The following ESYT2 variants were observed in gnomAD, a reference collection of about 807,000 sequenced individuals.
ESYT2 encodes extended synaptotagmin-2.
In ESYT2, 54 loss-of-function variants were observed where a neutral mutation model predicts 107.2. That is an observed-to-expected ratio of 0.50 (90% CI 0.40 to 0.63). ESYT2 has a LOEUF of 0.63. Ranked by LOEUF, ESYT2 falls within the 30% of genes least tolerant of loss-of-function variation. ESYT2 has a pLI of 0.00. For missense variants in ESYT2, 1,020 were observed against 1,094.5 expected (o/e 0.93, Z 0.96); for synonymous variants, 491 against 434.1 (o/e 1.13, Z -1.63).
At chr7:158,811,757 A>G (rs539153756) in intron 1 of ESYT2, among the ~76,000 whole-genome samples, 1 of 152,336 alleles carries the variant, frequency 6.6e-6, no homozygotes. Context: ...AAAGAAGCCA[A>G]CAGGGTTTAT....
chr7:158,749,816 C>A lies in ESYT2; in HGVS notation c.1483-93G>T. On this transcript the variant is annotated intron_variant, in intron 14 of 22. Coordinates refer to ENST00000275418, the MANE Select transcript of ESYT2 (RefSeq NM_001367773.1). ...GAAATTACTGGCTTATATTAGTAGT[C>A]ATTTTTATTTATCTCTGATATTTAA... The A allele has an allele frequency of 3.5e-6, 4 of 1,128,870 alleles. No individual in the cohort carries two copies. In the South Asian group the frequency reaches 5.7e-5, roughly 16 times the overall value. 69.9% of individuals were successfully genotyped at this position (1,128,870 alleles called of 1,614,324 possible). A position where few individuals can be genotyped will look rare whatever the true frequency, so the allele number is the denominator to read the frequency against.
intron 13 of ESYT2, among the ~76,000 whole-genome samples, chr7:158,754,667 C>A (rs1837693134): frequency 6.6e-6 from 1 of 152,166 alleles, no homozygotes. Flanking sequence ...CACATACAGA[C>A]TGATGAATCT....
rs13221334 is a variant in ESYT2 at position 158,803,880 on chromosome 7, G to C, written c.331-4808C>G. 2.3e-3 allele frequency among the ~76,000 whole-genome samples: 130 copies of C among 57,398 alleles called. 1 individual carries two copies. Among genetic ancestry groups the C allele is most frequent in the African/African-American group, 9.5e-3 (119 of 12,516 alleles). 37.7% of individuals were successfully genotyped at this position (57,398 alleles called of 152,430 possible). On this transcript the variant is annotated intron_variant, in intron 1 of 22. Transcript: ENST00000275418. Reference sequence around the variant, plus strand: ...GAGGCGCGCGACAAACCCAAACCACGGAGAAGGGTGAGGCGCGCGACAAAC... The same window carrying C: ...GAGGCGCGCGACAAACCCAAACCACCGAGAAGGGTGAGGCGCGCGACAAAC...
At chr7:158,775,206 G>A (rs1444761710) in intron 6 of ESYT2, among the ~76,000 whole-genome samples, 4 of 152,122 alleles carry the variant, frequency 2.6e-5, no homozygotes, top group African/African-American at 9.7e-5. Flanking sequence ...GCTAAAAAAT[G>A]CTAACGATCA....
intron 6 of ESYT2, among the ~76,000 whole-genome samples, chr7:158,777,002 A>G (rs1302934778): frequency 6.6e-6 from 1 of 151,078 alleles, no homozygotes; most frequent in Non-Finnish European, 1.5e-5. Flanking sequence ...ACAGGCATAC[A>G]CTACTACGCC....
At chr7:158,797,111 T>C (rs1046578896) in intron 3 of ESYT2, among the ~76,000 whole-genome samples, 1 of 151,828 alleles carries the variant, frequency 6.6e-6, no homozygotes, top group Non-Finnish European at 1.5e-5. Flanking sequence ...ACGCACCCGG[T>C]AGACCTTGGT....
At chr7:158,756,675 G>A (rs900163047) in intron 13 of ESYT2, among the ~76,000 whole-genome samples, 4 of 152,182 alleles carry the variant, frequency 2.6e-5, no homozygotes, top group South Asian at 2.1e-4. Flanking sequence ...TTGGGAGGCC[G>A]AGGGGGGTGG....
At chr7:158,809,288 CA>C (rs1157625216) in intron 1 of ESYT2, among the ~76,000 whole-genome samples, 1 of 151,576 alleles carries the variant, frequency 6.6e-6, no homozygotes, top group Non-Finnish European at 1.5e-5. Context: ...CCATCCTGGC[CA>C]ACATGGTGAA....
intron 6 of ESYT2, among the ~76,000 whole-genome samples, chr7:158,781,576 G>A (rs1838814021): frequency 6.6e-6 from 1 of 150,382 alleles, no homozygotes; most frequent in South Asian, 2.1e-4. Flanking sequence ...TGAGAACAAA[G>A]TGTGAGAGGT....
At position 158,751,285 on chromosome 7, in the gene ESYT2, C is replaced by G. The variant is rs1837575564; in HGVS notation, c.1482+1496G>C. Among the ~76,000 whole-genome samples the G allele has an allele frequency of 4.6e-5, 7 of 152,186 alleles. No individual in the cohort carries two copies. The South Asian group carries it at 1.5e-3, about 32-fold the overall frequency. On this transcript the variant is annotated intron_variant, in intron 14 of 22. Coordinates refer to ENST00000275418, the MANE Select transcript of ESYT2 (RefSeq NM_001367773.1). ...TCTCTAAGTATAAAATAAACACTGTCAAAACTTAGCGGCATTTAAAATCTT... is the reference window on the plus strand; with the variant it reads ...TCTCTAAGTATAAAATAAACACTGTGAAAACTTAGCGGCATTTAAAATCTT...
At chr7:158,773,527 G>C (rs1838447424) in intron 6 of ESYT2, 131 bp from the exon 7 acceptor site, 2 of 722,542 alleles carry the variant, frequency 2.8e-6, no homozygotes, top group Non-Finnish European at 4.4e-6. Context: ...TTCATCCTTC[G>C]TAATATACCA....
chr7:158,770,906 TG>T (rs1386531165), intron 7 of ESYT2, among the ~76,000 whole-genome samples: 1 of 152,032 alleles, frequency 6.6e-6, no homozygotes, highest in Non-Finnish European at 1.5e-5. Context: ...TTCAGCTACT[TG>T]GGAGGCTGAG....
At chr7:158,759,430 G>T in intron 13 of ESYT2, 56 bp downstream of exon 13, 1 of 1,393,898 alleles carries the variant, frequency 7.2e-7, no homozygotes, top group Non-Finnish European at 1.0e-6. Context: ...GTGGTTATAA[G>T]CAAGAGCAGC....
At chr7:158,758,962 G>A (rs1234034068) in intron 13 of ESYT2, among the ~76,000 whole-genome samples, 1 of 152,168 alleles carries the variant, frequency 6.6e-6, no homozygotes, top group Admixed American at 6.5e-5. Context: ...CTGGCAGTAG[G>A]TCATTCCGAG....
At chr7:158,818,406 T>C (rs1302612788) in intron 1 of ESYT2, among the ~76,000 whole-genome samples, 1 of 152,206 alleles carries the variant, frequency 6.6e-6, no homozygotes, top group Non-Finnish European at 1.5e-5. Flanking sequence ...CACACATACT[T>C]GCAAGTGTTA....
At chr7:158,737,418 A>G (rs1192242395) in intron 19 of ESYT2, among the ~76,000 whole-genome samples, 1 of 152,058 alleles carries the variant, frequency 6.6e-6, no homozygotes, top group Admixed American at 6.6e-5. Context: ...TCAAGCCCAG[A>G]GTTTGGAGGA....
intron 14 of ESYT2, among the ~76,000 whole-genome samples, chr7:158,751,856 G>A (rs149522952): frequency 6.6e-6 from 1 of 152,314 alleles, no homozygotes; most frequent in East Asian, 1.9e-4. Flanking sequence ...GAGTGTTGAT[G>A]TAATTCCTTT....
chr7:158,770,590 G>C (rs1271790645), intron 7 of ESYT2, among the ~76,000 whole-genome samples: 2 of 151,738 alleles, frequency 1.3e-5, no homozygotes, highest in Non-Finnish European at 2.9e-5. Flanking sequence ...TCTTTGCTCA[G>C]TGCAAGCTCC....
At chr7:158,778,635 C>A (rs1210874328) in intron 6 of ESYT2, among the ~76,000 whole-genome samples, 1 of 152,150 alleles carries the variant, frequency 6.6e-6, no homozygotes, top group Admixed American at 6.5e-5. Context: ...ATCCTACTTA[C>A]TTCACCAGAA....
Sources: allele counts gnomAD v4.1 joint callset (sites outside exome capture counted in the v4.1 genomes callset), GRCh38; gene constraint gnomAD v4.1.1; transcripts MANE v1.5; gene names NCBI Gene and HGNC (gene_info 2026-07-23, HGNC 2026-07-21).